C8orf34: variants seen among roughly 807,000 people sequenced by gnomAD.
The protein encoded by C8orf34 is chromosome 8 open reading frame 34.
Under a neutral mutation model 68.3 loss-of-function variants are expected in C8orf34, and 65 were observed. The observed-to-expected ratio is 0.95, with a 90% confidence interval of 0.78 to 1.17. C8orf34 has a LOEUF of 1.17. Ranked by LOEUF, C8orf34 falls within the 50% of genes most tolerant of loss-of-function variation. The pLI is 0.00. For missense variants in C8orf34, 664 were observed against 655.4 expected, an observed-to-expected ratio of 1.01 and a Z score of -0.14; for synonymous variants, 244 against 241.2, an observed-to-expected ratio of 1.01 and a Z score of -0.11.
At chr8:68,405,142 G>C (rs912175175) in intron 1 of C8orf34, among the ~76,000 whole-genome samples, 4 of 152,094 alleles carry the variant, frequency 2.6e-5, no homozygotes, top group African/African-American at 9.7e-5. Context: ...GTGAATGGGA[G>C]TACATTCTTA....
intron 12 of C8orf34, among the ~76,000 whole-genome samples, chr8:68,814,827 A>C (rs1233189819): frequency 6.6e-6 from 1 of 152,208 alleles, no homozygotes; most frequent in Non-Finnish European, 1.5e-5. Flanking sequence ...CACTTAACCA[A>C]TGAATGCTTT....
intron 1 of C8orf34, among the ~76,000 whole-genome samples, chr8:68,419,269 C>T (rs1297970080): frequency 2.0e-5 from 3 of 148,096 alleles, no homozygotes; most frequent in Non-Finnish European, 4.5e-5. Context: ...AAATCAAAAC[C>T]ACAATGAGAT....
chr8:68,490,023 A>G (rs1287753770), intron 5 of C8orf34, among the ~76,000 whole-genome samples: 4 of 152,188 alleles, frequency 2.6e-5, no homozygotes, highest in Non-Finnish European at 4.4e-5. Context: ...TGGCAAGTGC[A>G]TAAGTGGTAG....
intron 4 of C8orf34, among the ~76,000 whole-genome samples, chr8:68,484,807 TA>T (rs5892146): frequency 0.64 from 96,656 of 151,898 alleles, 31,098 homozygotes; most frequent in East Asian, 0.88. Context: ...AATAAGAAGT[TA>T]AAAAAAATGC....
chr8:68,478,714 T>C (rs569134777), intron 4 of C8orf34, among the ~76,000 whole-genome samples: 5 of 152,290 alleles, frequency 3.3e-5, no homozygotes, highest in South Asian at 2.1e-4. Context: ...CTTCACAAGA[T>C]GGCAGGAGAG....
chr8:68,360,762 T>A (rs1015183007), intron 1 of C8orf34, among the ~76,000 whole-genome samples: 1 of 148,758 alleles, frequency 6.7e-6, no homozygotes, highest in South Asian at 2.1e-4. Context: ...CTTTCTTTTT[T>A]TTTTTTTTTT....
At position 68,339,149 on chromosome 8, in the gene C8orf34, C is replaced by T. The variant is rs1031781712; in HGVS notation, c.327+7810C>T. On this transcript the variant is annotated intron_variant, in intron 1 of 13. Transcript: ENST00000518698. ...TTTTGTTAATTTTCATATAAAAATA[C>T]CTGCTGGAATTTTGATTCAGATTGT... Among the ~76,000 whole-genome samples, 3 of 151,818 alleles carry T rather than the reference C, an allele frequency of 2.0e-5. No individual in the cohort carries two copies. The East Asian group carries it at 5.8e-4, about 29-fold the overall frequency.
At chr8:68,513,623 G>A (rs896241295) in intron 5 of C8orf34, among the ~76,000 whole-genome samples, 1 of 152,204 alleles carries the variant, frequency 6.6e-6, no homozygotes, top group Non-Finnish European at 1.5e-5. Flanking sequence ...GAAAAAAACA[G>A]CTTAAATATG....
chr8:68,576,546 T>A (rs1816912115), intron 7 of C8orf34, among the ~76,000 whole-genome samples: 1 of 151,682 alleles, frequency 6.6e-6, no homozygotes, highest in South Asian at 2.1e-4. Flanking sequence ...ATTAATAAAT[T>A]TATTATAGGT....
chr8:68,776,225 T>C (rs1465555666), intron 10 of C8orf34, among the ~76,000 whole-genome samples, 174 bp from the exon 11 acceptor site: 1 of 152,050 alleles, frequency 6.6e-6, no homozygotes. Flanking sequence ...AACTCTTTTC[T>C]TTTTTTTCAA....
intron 7 of C8orf34, among the ~76,000 whole-genome samples, chr8:68,582,828 T>A (rs892831033): frequency 3.9e-5 from 6 of 152,056 alleles, no homozygotes; most frequent in Non-Finnish European, 5.9e-5. Flanking sequence ...GACACCCAAC[T>A]TGGACTTACA....
chr8:68,561,943 T>A (rs960666604), intron 7 of C8orf34, among the ~76,000 whole-genome samples: 1 of 152,198 alleles, frequency 6.6e-6, no homozygotes, highest in African/African-American at 2.4e-5. Flanking sequence ...ATGCCTTCTT[T>A]TGGAATAAAT....
intron 7 of C8orf34, among the ~76,000 whole-genome samples, chr8:68,546,921 T>C (rs1177924379): frequency 2.0e-5 from 3 of 151,776 alleles, no homozygotes; most frequent in Non-Finnish European, 4.4e-5. Context: ...TCTGGAGATA[T>C]AGCCAAAACA....
At chr8:68,602,491 A>G (rs1364913385) in intron 7 of C8orf34, among the ~76,000 whole-genome samples, 2 of 152,070 alleles carry the variant, frequency 1.3e-5, no homozygotes, top group African/African-American at 4.8e-5. Flanking sequence ...TAAAACCATC[A>G]GATCTCTTGA....
chr8:68,565,050 A>G (rs62523167), intron 7 of C8orf34, among the ~76,000 whole-genome samples: 2,474 of 152,294 alleles, frequency 0.016, 45 homozygotes, highest in Admixed American at 0.04. Context: ...ATTTGGCCCC[A>G]TAGGAGCAGG....
intron 8 of C8orf34, among the ~76,000 whole-genome samples, chr8:68,656,715 A>G (rs914671016): frequency 6.6e-6 from 1 of 152,014 alleles, no homozygotes; most frequent in Non-Finnish European, 1.5e-5. Flanking sequence ...TCCTCTCACA[A>G]TGCCTATCCC....
At position 68,495,102 on chromosome 8, in the gene C8orf34, C is replaced by A. The variant is rs73266504; in HGVS notation, c.765+7051C>A. On this transcript the variant is annotated intron_variant, in intron 5 of 13. Transcript: ENST00000518698. ...ATAGCGAAGTACAGGACAGTCCTCC[C>A]TGATGTTCTAGCTTTAGTGTGGGGT... is the stretch of plus-strand genomic sequence containing the variant. 8.1e-3 allele frequency among the ~76,000 whole-genome samples: 1,229 copies of A among 151,622 alleles called. 17 individuals carry two copies. The highest frequency in any genetic ancestry group is 0.026 in the African/African-American group (1,069 of 41,348).
At chr8:68,401,806 T>C (rs75919492) in intron 1 of C8orf34, among the ~76,000 whole-genome samples, 1 of 152,024 alleles carries the variant, frequency 6.6e-6, no homozygotes, top group East Asian at 1.9e-4. Flanking sequence ...GCTAATGTTT[T>C]ATTGAGGACT....
chr8:68,379,206 G>A (rs1215950892), intron 1 of C8orf34, among the ~76,000 whole-genome samples: 1 of 152,182 alleles, frequency 6.6e-6, no homozygotes, highest in African/African-American at 2.4e-5. Flanking sequence ...TGTTTGAAGA[G>A]AGAAAAGATG....
Sources: allele counts gnomAD v4.1 joint callset (sites outside exome capture counted in the v4.1 genomes callset), GRCh38; gene constraint gnomAD v4.1.1; transcripts MANE v1.5; gene names NCBI Gene and HGNC (gene_info 2026-07-23, HGNC 2026-07-21).